The following UBAC2 variants were observed in gnomAD, a reference collection of about 807,000 sequenced individuals.
The protein encoded by UBAC2 is ubiquitin-associated domain-containing protein 2.
A neutral mutation model predicts 44.0 loss-of-function variants in UBAC2; 26 were observed. The observed-to-expected ratio is 0.59, with a 90% CI of 0.43 to 0.82. UBAC2 has a LOEUF of 0.82. UBAC2 is among the 40% of genes least tolerant of loss of function. The pLI, the probability that UBAC2 is intolerant of heterozygous loss-of-function variation, is 0.00. For synonymous variants in UBAC2, 155 were observed against 154.3 expected (o/e 1.00, Z -0.04); for missense variants, 329 against 419.4 (o/e 0.78, Z 1.88).
At position 99,295,019 on chromosome 13, in the gene UBAC2, T is replaced by C. The variant is rs527265777; in HGVS notation, c.390-19078T>C. ...TATAAGGGAAGTCCTGCAAAGTTTGTCATACAGTTTACGTCACTATAAACC... is the reference window on the plus strand; with the variant it reads ...TATAAGGGAAGTCCTGCAAAGTTTGCCATACAGTTTACGTCACTATAAACC... On this transcript the variant is annotated intron_variant, in intron 4 of 8. Coordinates refer to ENST00000403766, the MANE Select transcript of UBAC2 (RefSeq NM_001144072.2). This position sits in a 1 kb window ranked among gnomAD's most constrained non-coding sequence, Gnocchi z 4.1. 3.7e-5 allele frequency: 57 copies of C among 1,561,236 alleles called. No homozygotes were observed. In the Middle Eastern group the frequency reaches 5.2e-4, roughly 14 times the overall value.
At chr13:99,280,395 C>T (rs911402017) in intron 4 of UBAC2, among the ~76,000 whole-genome samples, 2 of 152,150 alleles carry the variant, frequency 1.3e-5, no homozygotes, top group Admixed American at 1.3e-4. Flanking sequence ...TACAACATCC[C>T]TTCTCCCCTT....
rs182038104 is a variant in UBAC2 at position 99,336,725 on chromosome 13, T to A, written c.562-3595T>A. 3.0e-3 allele frequency among the ~76,000 whole-genome samples: 454 copies of A among 152,328 alleles called. 1 individual carries two copies. Among genetic ancestry groups the A allele is most frequent in the Non-Finnish European group, 5.4e-3 (365 of 68,020 alleles). On this transcript the variant is annotated intron_variant, in intron 6 of 8. Transcript: ENST00000403766. Reference sequence around the variant, plus strand: ...GTCTTGAAATCTGATAGGACTTACGTTTCTTTAAAATTGCCTTGCCTTTTC... The same window carrying A: ...GTCTTGAAATCTGATAGGACTTACGATTCTTTAAAATTGCCTTGCCTTTTC...
rs189295226 is a variant in UBAC2 at position 99,366,211 on chromosome 13, G to A, written c.808-1576G>A. ...CTTTTCTTTAAGGTCCTCCTGTGAC[G>A]TCCTAGTCTTTTTGAAGTGTGTAAT... On this transcript the variant is annotated intron_variant, in intron 7 of 8. Transcript: ENST00000403766. Among the ~76,000 whole-genome samples, 11 of 151,926 alleles carry A rather than the reference G, an allele frequency of 7.2e-5. No individual in the cohort carries two copies. The East Asian group carries it at 1.5e-3, about 21-fold the overall frequency.
intron 4 of UBAC2, among the ~76,000 whole-genome samples, chr13:99,267,435 G>A (rs1449456634): frequency 6.6e-6 from 1 of 152,164 alleles, no homozygotes; most frequent in Non-Finnish European, 1.5e-5. Context: ...TCTAAATGGT[G>A]AGGGGAAGGG....
At chr13:99,315,277 A>G (rs531372339) in intron 5 of UBAC2, among the ~76,000 whole-genome samples, 5 of 152,266 alleles carry the variant, frequency 3.3e-5, no homozygotes, top group South Asian at 2.1e-4. Context: ...AGGATTTGCT[A>G]TAGCAGATTT....
chr13:99,378,544 T>C (rs1050429069), intron 8 of UBAC2, among the ~76,000 whole-genome samples: 2 of 152,132 alleles, frequency 1.3e-5, no homozygotes, highest in African/African-American at 4.8e-5. Flanking sequence ...AAATAAAAAA[T>C]AAAAACTTCA....
intron 4 of UBAC2, among the ~76,000 whole-genome samples, chr13:99,307,799 T>C (rs1046351159): frequency 9.9e-5 from 15 of 152,204 alleles, no homozygotes; most frequent in Admixed American, 3.9e-4. Context: ...TAGTGTCAAC[T>C]TTGACAGTGC....
intron 8 of UBAC2, among the ~76,000 whole-genome samples, chr13:99,379,195 C>CT (rs748663801): frequency 2.6e-5 from 4 of 152,254 alleles, no homozygotes; most frequent in Admixed American, 1.3e-4. Flanking sequence ...CAAGTTTACG[C>CT]TTATGCATGC....
intron 4 of UBAC2, among the ~76,000 whole-genome samples, chr13:99,298,205 C>T (rs780344355): frequency 2.0e-5 from 3 of 152,074 alleles, no homozygotes; most frequent in Non-Finnish European, 4.4e-5. Context: ...TAAAAGCTAA[C>T]AGAACTTGTA....
At chr13:99,338,923 A>G (rs2044842117) in intron 6 of UBAC2, among the ~76,000 whole-genome samples, 1 of 152,046 alleles carries the variant, frequency 6.6e-6, no homozygotes, top group Admixed American at 6.5e-5. Flanking sequence ...AGATTTCCTT[A>G]CTGGCGTTTC....
chr13:99,242,638 C>A (rs1306193517), intron 2 of UBAC2, among the ~76,000 whole-genome samples: 2 of 107,330 alleles, frequency 1.9e-5, no homozygotes, highest in African/African-American at 3.6e-5. Flanking sequence ...GGGGGCTGAC[C>A]CCCCCACCTC....
In UBAC2 at chr13:99,296,193, G is replaced by A. The variant is rs746786038; in HGVS notation, c.390-17904G>A. 4.6e-6 allele frequency: 7 copies of A among 1,510,650 alleles called. No individual in the cohort carries two copies. The African/African-American group carries it at 7.0e-5, about 15-fold the overall frequency. 93.6% of individuals were successfully genotyped at this position (1,510,650 alleles called of 1,614,324 possible). On this transcript the variant is annotated intron_variant, in intron 4 of 8. Coordinates refer to ENST00000403766, the MANE Select transcript of UBAC2 (RefSeq NM_001144072.2). Reference sequence around the variant, plus strand: ...AAAAAAACCAAGAAGGATCATATAAGTAAAAGCATATGTATTCAGTTTGAT... The same window carrying A: ...AAAAAAACCAAGAAGGATCATATAAATAAAAGCATATGTATTCAGTTTGAT...
chr13:99,216,610 C>T lies in UBAC2; in HGVS notation c.31+15671C>T, dbSNP rs530856717. On this transcript the variant is annotated intron_variant, in intron 1 of 8. Transcript: ENST00000403766. ...GTTTGAGAAATGCCCTCAATTCTCC[C>T]GAAGATTGTTCATATTCCTCCCCAG... is the stretch of plus-strand genomic sequence containing the variant. Among the ~76,000 whole-genome samples the T allele has an allele frequency of 4.6e-5, 7 of 152,216 alleles. No individual in the cohort carries two copies. The South Asian group carries it at 1.2e-3, about 27-fold the overall frequency.
intron 8 of UBAC2, among the ~76,000 whole-genome samples, chr13:99,380,936 G>T (rs1010239969): frequency 6.6e-6 from 1 of 152,238 alleles, no homozygotes. Context: ...GATCTGCCCC[G>T]CAGAGGATGA....
At chr13:99,234,423 C>A in intron 1 of UBAC2, 1 of 199,026 alleles carries the variant, frequency 5.0e-6, no homozygotes, top group Non-Finnish European at 1.1e-5. Context: ...CTCCTGACCT[C>A]AGGTGATCCG....
At chr13:99,260,266 T>A (rs923715765) in intron 4 of UBAC2, among the ~76,000 whole-genome samples, 1 of 152,250 alleles carries the variant, frequency 6.6e-6, no homozygotes, top group Non-Finnish European at 1.5e-5. Flanking sequence ...GGCACATGTT[T>A]GCATTGTTAC....
At position 99,219,828 on chromosome 13, in the gene UBAC2, T is replaced by C. The variant is rs560588040; in HGVS notation, c.32-18599T>C. On this transcript the variant is annotated intron_variant, in intron 1 of 8. Transcript: ENST00000403766. Reference sequence around the variant, plus strand: ...TGGAGTCATATAGTACATAACTTTATATGACTGGCTTTTTTTCACTTAGCA... The same window carrying C: ...TGGAGTCATATAGTACATAACTTTACATGACTGGCTTTTTTTCACTTAGCA... 2.6e-5 allele frequency among the ~76,000 whole-genome samples: 4 copies of C among 152,386 alleles called. No homozygotes were observed. The East Asian group carries it at 7.7e-4, about 29-fold the overall frequency.
chr13:99,361,197 A>G (rs2045260461), intron 7 of UBAC2, among the ~76,000 whole-genome samples: 1 of 152,256 alleles, frequency 6.6e-6, no homozygotes, highest in African/African-American at 2.4e-5. Flanking sequence ...AAATCTTCTT[A>G]CAAACTAATA....
At chr13:99,265,048 G>A (rs1463954628) in intron 4 of UBAC2, among the ~76,000 whole-genome samples, 1 of 151,294 alleles carries the variant, frequency 6.6e-6, no homozygotes, top group Non-Finnish European at 1.5e-5. Flanking sequence ...CGACCTCTTG[G>A]AGACATTATA....
Sources: allele counts gnomAD v4.1 joint callset (sites outside exome capture counted in the v4.1 genomes callset), GRCh38; gene constraint gnomAD v4.1.1; non-coding constraint Gnocchi (gnomAD v3.1); transcripts MANE v1.5; gene names NCBI Gene and HGNC (gene_info 2026-07-23, HGNC 2026-07-21).